BET1: variants seen among roughly 807,000 people sequenced by gnomAD.
BET1 encodes the protein BET1 homolog.
Under a neutral mutation model 13.9 loss-of-function variants are expected in BET1, and 9 were observed. The ratio of observed to expected loss-of-function variants is 0.65; its 90% confidence interval spans 0.39 to 1.13. The LOEUF is 1.13. Ranked by LOEUF, BET1 falls within the 50% of genes most tolerant of loss-of-function variation. BET1 has a pLI of 0.01. For synonymous variants in BET1, 39 were observed against 47.3 expected, an observed-to-expected ratio of 0.82 and a Z score of 0.72; for missense variants, 127 against 133.6, an observed-to-expected ratio of 0.95 and a Z score of 0.24.
rs982915705 is a variant in BET1 at position 93,981,455 on chromosome 7, G to A, written c.236-5355C>T. Among the ~76,000 whole-genome samples the A allele has an allele frequency of 1.4e-4, 21 of 152,182 alleles. 1 individual carries two copies. Among genetic ancestry groups the A allele is most frequent in the Admixed American group, 2.6e-4 (4 of 15,264 alleles). On this transcript the variant is annotated intron_variant and NMD_transcript_variant, in intron 4 of 6. Transcript: ENST00000357520. Reference sequence around the variant, plus strand: ...AAAATCTTTTCCAAGTACTGTTTTGGCCCACACTTCCTGAAAAACAAAGCC... The same window carrying A: ...AAAATCTTTTCCAAGTACTGTTTTGACCCACACTTCCTGAAAAACAAAGCC...
chr7:93,963,270 G>A (rs1795125899), exon 7 of BET1: 1 of 152,026 alleles, frequency 6.6e-6, no homozygotes, highest in Non-Finnish European at 1.5e-5. Context: ...ATAGCCCCAA[G>A]AACCATGAGC....
intron 4 of BET1, among the ~76,000 whole-genome samples, chr7:93,977,589 G>C (rs1795361839): frequency 6.6e-6 from 1 of 152,054 alleles, no homozygotes; most frequent in South Asian, 2.1e-4. Context: ...ACTTCTATCT[G>C]GCACAAGATT....
At position 93,970,430 on chromosome 7, in the gene BET1, G is replaced by T. The variant is rs141774266; in HGVS notation, c.*137+2145C>A. On this transcript the variant is annotated intron_variant and NMD_transcript_variant, in intron 6 of 6. Coordinates refer to the BET1 transcript ENST00000357520. Reference sequence around the variant, plus strand: ...CTCCATCTCCATTAGCTCTCGAGAAGAAAACACTTATTTGACCTTTTAAGT... The same window carrying T: ...CTCCATCTCCATTAGCTCTCGAGAATAAAACACTTATTTGACCTTTTAAGT... 3.5e-3 allele frequency among the ~76,000 whole-genome samples: 527 copies of T among 151,780 alleles called. 1 individual carries two copies. Among genetic ancestry groups the T allele is most frequent in the Admixed American group, 0.02 (302 of 15,178 alleles).
intron 6 of BET1, chr7:93,968,221 T>C (rs528711721): frequency 4.1e-4 from 63 of 151,952 alleles, no homozygotes; most frequent in African/African-American, 1.5e-3. Flanking sequence ...TAGAAAGAAT[T>C]GCAATAGCGT....
At chr7:93,983,719 CAT>C (rs1435680757) in intron 4 of BET1, among the ~76,000 whole-genome samples, 7 of 151,816 alleles carry the variant, frequency 4.6e-5, no homozygotes, top group Admixed American at 3.3e-4. Context: ...AATCTGGGTG[CAT>C]TATTTACCCA....
intron 5 of BET1, among the ~76,000 whole-genome samples, chr7:93,975,076 G>T (rs1795315826): frequency 6.6e-6 from 1 of 151,910 alleles, no homozygotes; most frequent in Non-Finnish European, 1.5e-5. Context: ...AGCTGACCAG[G>T]ACTCTTCAGA....
At chr7:93,971,460 A>G (rs1337397591) in intron 6 of BET1, among the ~76,000 whole-genome samples, 2 of 151,834 alleles carry the variant, frequency 1.3e-5, no homozygotes, top group Non-Finnish European at 2.9e-5. Context: ...TCTTGGAATA[A>G]CAGTTAATGC....
chr7:93,977,352 G>A (rs1171931813), intron 4 of BET1, among the ~76,000 whole-genome samples: 1 of 152,010 alleles, frequency 6.6e-6, no homozygotes, highest in African/African-American at 2.4e-5. Flanking sequence ...TTTTTTGCCT[G>A]CCAGTCTAAG....
intron 2 of BET1, 138 bp downstream of exon 2, chr7:93,999,032 G>T: frequency 1.8e-6 from 1 of 550,878 alleles, no homozygotes; most frequent in Non-Finnish European, 2.7e-6. Context: ...TAAATTTTGA[G>T]TGTACTTTGA....
rs1397540128 is a variant in BET1, at chr7:93,993,877, T to C, written c.*353A>G. On this transcript the variant is annotated 3_prime_UTR_variant, in exon 4 of 4. Coordinates refer to ENST00000222547, the MANE Select transcript of BET1 (RefSeq NM_005868.6). ...TCAGGCTCTCCAGGCATTCTGTTACTCTCCCACTAAGTTTCCTTACATGGG... is the reference window on the plus strand; with the variant it reads ...TCAGGCTCTCCAGGCATTCTGTTACCCTCCCACTAAGTTTCCTTACATGGG... 1 of 1,535,826 alleles carries C rather than the reference T, an allele frequency of 6.5e-7. No individual in the cohort carries two copies. The highest frequency in any genetic ancestry group is 2.4e-5 in the East Asian group (1 of 40,874).
downstream of BET1, chr7:93,991,629 C>T (rs1199422127): frequency 5.1e-6 from 1 of 196,038 alleles, no homozygotes; most frequent in Non-Finnish European, 9.2e-6. Flanking sequence ...TATTTTTATA[C>T]AATTTTTATT....
intron 6 of BET1, chr7:93,965,831 TTACCGACATTTAAAA>T (rs1795163584): frequency 6.6e-6 from 1 of 152,054 alleles, no homozygotes; most frequent in South Asian, 2.1e-4. Flanking sequence ...AAGTACTTTA[TTACCGACATTTAAAA>T]TATTTCTGGT....
intron 2 of BET1, 28 bp downstream of exon 2, chr7:93,999,142 A>C (rs566318017): frequency 6.7e-7 from 1 of 1,502,068 alleles, no homozygotes; most frequent in Admixed American, 1.8e-5. Context: ...ATGAATTAAA[A>C]CACATATAAT....
In BET1 at chr7:93,994,323, TA is replaced by T. The variant is rs1197546895; in HGVS notation, c.263del (p.Leu88TyrfsTer13). 6.2e-7 allele frequency: 1 copy of T among 1,613,728 alleles called. No individual in the cohort carries two copies. Among genetic ancestry groups the T allele is most frequent in the Non-Finnish European group, 8.5e-7 (1 of 1,179,858 alleles). ...LGKTMGKLKI[L>X]SRGSQTKLLC... ...GCAGCTTTGTTTGGCTCCCTCTGGA[TA>T]AAATCTTCAGTTTGCCCATAGTTTT... On this transcript the variant is annotated frameshift_variant, in exon 4 of 4. Transcript: ENST00000222547. LOFTEE classifies it high-confidence loss of function.
At chr7:93,975,936 T>G in exon 5 of BET1, 3 of 1,224,562 alleles carry the variant, frequency 2.4e-6, no homozygotes, top group Non-Finnish European at 3.2e-6. Context: ...GGCTTCAGAG[T>G]CATTATTTTG....
At chr7:93,989,622 T>G (rs1157107021), downstream of BET1, among the ~76,000 whole-genome samples, 1 of 152,196 alleles carries the variant, frequency 6.6e-6, no homozygotes, top group Non-Finnish European at 1.5e-5. Context: ...CAAACAAAAT[T>G]TGTGTGTACT....
At chr7:93,969,853 T>G (rs1795231185) in intron 6 of BET1, among the ~76,000 whole-genome samples, 1 of 151,848 alleles carries the variant, frequency 6.6e-6, no homozygotes, top group African/African-American at 2.4e-5. Flanking sequence ...TATGATGATT[T>G]CAAATGCCCT....
At chr7:93,966,826 T>C (rs576570138) in intron 6 of BET1, among the ~76,000 whole-genome samples, 269 of 151,984 alleles carry the variant, frequency 1.8e-3, no homozygotes, top group Middle Eastern at 3.4e-3. Flanking sequence ...CAACCTTCCC[T>C]GGGACTTCTC....
intron 5 of BET1, among the ~76,000 whole-genome samples, chr7:93,974,278 C>T (rs980612707): frequency 6.6e-6 from 1 of 151,898 alleles, no homozygotes; most frequent in Non-Finnish European, 1.5e-5. Flanking sequence ...AAACCATGTT[C>T]ACTGACAGGT....
Sources: allele counts gnomAD v4.1 joint callset (sites outside exome capture counted in the v4.1 genomes callset), GRCh38; gene constraint gnomAD v4.1.1; transcripts MANE v1.5; gene names NCBI Gene and HGNC (gene_info 2026-07-23, HGNC 2026-07-21).